The following CUX1 variants were observed in gnomAD, a reference collection of about 807,000 sequenced individuals.
The protein encoded by CUX1 is protein CASP.
A neutral mutation model predicts 158.8 loss-of-function variants in CUX1; 31 were observed. That is an observed-to-expected ratio of 0.20 (90% CI 0.15 to 0.26). CUX1 has a LOEUF of 0.26. CUX1 is among the 10% of genes least tolerant of loss of function. The pLI is 1.00. For missense variants in CUX1, 1,589 were observed against 2,014.6 expected, an observed-to-expected ratio of 0.79 and a Z score of 4.04; for synonymous variants, 879 against 862.1, an observed-to-expected ratio of 1.02 and a Z score of -0.34.
chr7:102,071,029 C>T (rs1826072550), intron 4 of CUX1, among the ~76,000 whole-genome samples: 1 of 152,104 alleles, frequency 6.6e-6, no homozygotes, highest in Non-Finnish European at 1.5e-5. Flanking sequence ...AATCTCCGCT[C>T]ACTGCAACCT....
At chr7:102,278,158 C>T (rs1791745231) in intron 18 of CUX1, 3 of 873,758 alleles carry the variant, frequency 3.4e-6, no homozygotes, top group Non-Finnish European at 5.3e-6. Flanking sequence ...GGGACCAAGA[C>T]CTGCTGGGCA....
intron 20 of CUX1, among the ~76,000 whole-genome samples, chr7:102,208,720 G>A (rs953060500): frequency 3.3e-5 from 5 of 152,148 alleles, no homozygotes; most frequent in Admixed American, 2.6e-4. Context: ...ACAGGATTCC[G>A]ATTCCCTGTT....
Position 102,248,337 on chromosome 7 carries a change from T to G in CUX1, c.3888-75T>G. 7.3e-7 allele frequency: 1 copy of G among 1,364,076 alleles called. No homozygotes were observed. The allele number at this position is 1,364,076 out of a possible 1,614,324, so 84.5% of individuals were successfully genotyped here. A position where few individuals can be genotyped will look rare whatever the true frequency, so the allele number is the denominator to read the frequency against. On this transcript the variant is annotated intron_variant, in intron 23 of 23. Coordinates refer to ENST00000292535, the MANE Select transcript of CUX1 (RefSeq NM_181552.4). This position sits in a 1 kb window ranked among gnomAD's most constrained non-coding sequence, Gnocchi z 5.8. ...GGAGCAGGAGCCCCAGAGAGAGGGG[T>G]CTGGCTGGGGTAGCACCAGAGGCCC...
intron 3 of CUX1, among the ~76,000 whole-genome samples, chr7:102,056,363 G>A (rs543434213): frequency 8.5e-5 from 13 of 152,130 alleles, no homozygotes; most frequent in Non-Finnish European, 1.5e-4. Context: ...GCCGACTCTC[G>A]TTAGGGGATA....
At position 101,951,698 on chromosome 7, in the gene CUX1, AG is replaced by A. The variant is rs1809080641; in HGVS notation, c.141+35476del. ...ATTTTTTTTTATTTTTAGTAGAGAC[AG>A]GGTTTCACCGTGTTAGCCAGGATGG... is the stretch of plus-strand genomic sequence containing the variant. On this transcript the variant is annotated intron_variant, in intron 2 of 23. Coordinates refer to ENST00000292535, the MANE Select transcript of CUX1 (RefSeq NM_181552.4). Among the ~76,000 whole-genome samples, 5 of 152,206 alleles carry A rather than the reference AG, an allele frequency of 3.3e-5. No homozygotes were observed. In the South Asian group the frequency reaches 1.0e-3, roughly 32 times the overall value.
intron 4 of CUX1, among the ~76,000 whole-genome samples, chr7:102,083,328 ACAGGGTCTTGCTCTGTTGCC>A (rs1554479412): frequency 6.8e-6 from 1 of 147,144 alleles, no homozygotes; most frequent in African/African-American, 2.4e-5. Context: ...AATTTTGGAG[ACAGGGTCTTGCTCTGTTGCC>A]CAGGCTGGAG....
intron 1 of CUX1, among the ~76,000 whole-genome samples, chr7:101,863,657 C>T (rs1330935275): frequency 1.1e-4 from 17 of 152,104 alleles, no homozygotes. Flanking sequence ...AGCCAGGGCT[C>T]TTTTTATATT....
intron 8 of CUX1, among the ~76,000 whole-genome samples, chr7:102,134,833 C>G (rs183172864): frequency 1.3e-4 from 20 of 152,060 alleles, no homozygotes; most frequent in Admixed American, 6.6e-4. Flanking sequence ...TGGGCTCAAG[C>G]GATCCTCCCA....
intron 2 of CUX1, among the ~76,000 whole-genome samples, chr7:101,933,649 T>G (rs536607303): frequency 1.2e-4 from 19 of 152,354 alleles, no homozygotes; most frequent in African/African-American, 3.8e-4. Context: ...CATTTCTGTT[T>G]TAGTAGGTTT....
intron 3 of CUX1, 44 bp from the exon 4 acceptor site, chr7:102,070,285 CTTGACAAATG>C: frequency 7.5e-6 from 11 of 1,469,266 alleles, no homozygotes; most frequent in Non-Finnish European, 1.0e-5. Context: ...TAAATTACCT[CTTGACAAATG>C]TTGAGCTCTT....
At chr7:101,863,957 G>T (rs1424309631) in intron 1 of CUX1, among the ~76,000 whole-genome samples, 4 of 152,288 alleles carry the variant, frequency 2.6e-5, no homozygotes, top group African/African-American at 9.6e-5. Flanking sequence ...ATCAGTGGAT[G>T]CTTGCGTTGC....
chr7:102,082,399 G>A lies in CUX1; in HGVS notation c.268+11982G>A, dbSNP rs190580377. The stretch of plus-strand genomic sequence containing the variant: ...AAAATTAGCTGGTGTAATGGCAGGC[G>A]CCTGTAATCCCAGCTACTCAGGAGG... On this transcript the variant is annotated intron_variant, in intron 4 of 23. Transcript: ENST00000292535. Among the ~76,000 whole-genome samples, 190 of 146,618 alleles carry A rather than the reference G, an allele frequency of 1.3e-3. 6 individuals carry two copies. The highest frequency in any genetic ancestry group is 4.3e-3 in the African/African-American group (176 of 41,134).
chr7:102,264,004 CTTTTTTTTTTT>C (rs60225596), intron 14 of CUX1, among the ~76,000 whole-genome samples: 1 of 100,958 alleles, frequency 9.9e-6, no homozygotes, highest in African/African-American at 3.9e-5. Flanking sequence ...AAGTTAACTT[CTTTTTTTTTTT>C]TTTTTTTTGA....
rs201964614 is a variant in CUX1, at chr7:102,202,002, G to A, written c.2705G>A (p.Arg902His). 11 of 1,613,978 alleles carry A rather than the reference G, an allele frequency of 6.8e-6. No homozygotes were observed. The East Asian group carries it at 8.9e-5, about 13-fold the overall frequency. Residue 902 changes from arginine to histidine, a missense_variant, in exon 18 of 24, where the codon CGC becomes CAC. Coordinates refer to ENST00000292535, the MANE Select transcript of CUX1 (RefSeq NM_181552.4). ...SSELSLTGAS[R>H]SETPQNSPLP... ...GAGCTGAGTCTGACCGGGGCCAGCC[G>A]CAGCGAGACACCACAGAACAGCCCC...
Position 102,197,393 on chromosome 7 carries a change from C to T in CUX1, c.1894+88C>T, listed in dbSNP as rs138191619. On this transcript the variant is annotated intron_variant, in intron 15 of 23. Coordinates refer to ENST00000292535, the MANE Select transcript of CUX1 (RefSeq NM_181552.4). ...GTGCATGCGTGCGTGTGTCTGTGTG[C>T]GTGATGAAACATTTGTGCATCACAT... 4.9e-4 allele frequency: 683 copies of T among 1,404,304 alleles called. 1 individual carries two copies. Among genetic ancestry groups the T allele is most frequent in the Non-Finnish European group, 6.2e-4 (632 of 1,012,442 alleles). The allele number at this position is 1,404,304 out of a possible 1,614,324, so 87.0% of individuals were successfully genotyped here. A position where few individuals can be genotyped will look rare whatever the true frequency, so the allele number is the denominator to read the frequency against.
chr7:102,128,251 C>T (rs1554496004), intron 8 of CUX1, among the ~76,000 whole-genome samples: 1 of 152,190 alleles, frequency 6.6e-6, no homozygotes, highest in Non-Finnish European at 1.5e-5. Flanking sequence ...TGTTCCTAGA[C>T]TGCTGCTCCA....
At chr7:102,278,364 A>G (rs183330153) in intron 18 of CUX1, among the ~76,000 whole-genome samples, 1 of 152,004 alleles carries the variant, frequency 6.6e-6, no homozygotes, top group Non-Finnish European at 1.5e-5. Context: ...CCGAGGCAGG[A>G]GAATTGCCTG....
At chr7:101,957,498 A>G (rs1310350475) in intron 2 of CUX1, among the ~76,000 whole-genome samples, 23 of 152,218 alleles carry the variant, frequency 1.5e-4, no homozygotes, top group Non-Finnish European at 2.1e-4. Context: ...AGGCAGGCAG[A>G]TCACCTGAGG....
chr7:102,107,263 G>T (rs1363420020), intron 6 of CUX1, among the ~76,000 whole-genome samples: 1 of 152,038 alleles, frequency 6.6e-6, no homozygotes, highest in Non-Finnish European at 1.5e-5. Context: ...AAGAGGCTGG[G>T]CGCAGTGGCT....
Sources: gnomAD v4.1 joint callset for allele counts (sites outside exome capture counted in the v4.1 genomes callset) on GRCh38, gnomAD v4.1.1 for gene constraint, Gnocchi (gnomAD v3.1) non-coding constraint, MANE v1.5 for transcripts, NCBI Gene and HGNC (gene_info 2026-07-23, HGNC 2026-07-21) for gene names.